The following CSNK1G1 variants were observed in gnomAD, a reference collection of about 807,000 sequenced individuals.
CSNK1G1 encodes casein kinase I isoform gamma-1.
Under a neutral mutation model 59.6 loss-of-function variants are expected in CSNK1G1, and 22 were observed. That is an observed-to-expected ratio of 0.37 (90% CI 0.26 to 0.53). The LOEUF is 0.53. Among genes scored for constraint, CSNK1G1 ranks in the 20% least tolerant of loss-of-function variants. The probability of loss-of-function intolerance (pLI) is 0.89; values close to 1 mark genes in which losing one functional copy is unlikely to be tolerated. For synonymous variants in CSNK1G1, 179 were observed against 177.1 expected, an observed-to-expected ratio of 1.01 and a Z score of -0.08; for missense variants, 384 against 519.5, an observed-to-expected ratio of 0.74 and a Z score of 2.54.
chr15:64,278,009 A>G (rs1481388569), intron 2 of CSNK1G1, among the ~76,000 whole-genome samples: 1 of 144,842 alleles, frequency 6.9e-6, no homozygotes, highest in Non-Finnish European at 1.5e-5. Context: ...ATATTGATAT[A>G]TTTGAATAAT....
At chr15:64,199,576 C>T (rs905626715) in intron 10 of CSNK1G1, among the ~76,000 whole-genome samples, 43 of 152,218 alleles carry the variant, frequency 2.8e-4, no homozygotes, top group African/African-American at 9.4e-4. Context: ...TAGTCTAGGA[C>T]GGGCGCGGTG....
At chr15:64,222,432 AC>A (rs1242354723) in intron 4 of CSNK1G1, among the ~76,000 whole-genome samples, 3 of 109,494 alleles carry the variant, frequency 2.7e-5, no homozygotes, top group South Asian at 3.4e-4. Flanking sequence ...CAACAACAAC[AC>A]CACCAAAAAA....
intron 1 of CSNK1G1, among the ~76,000 whole-genome samples, chr15:64,343,907 G>A (rs1005069226): frequency 2.0e-5 from 3 of 151,530 alleles, no homozygotes; most frequent in Admixed American, 6.6e-5. Flanking sequence ...ATTTTTTGGC[G>A]TATTATTTTG....
In CSNK1G1 at chr15:64,188,446, GC is replaced by G; in HGVS notation, c.1108-7993del. 6.5e-7 allele frequency: 1 copy of G among 1,536,146 alleles called. No individual in the cohort carries two copies. Among genetic ancestry groups the G allele is most frequent in the Non-Finnish European group, 8.7e-7 (1 of 1,146,920 alleles). ...TATGAGGTATTGGTCTGCCGGCTGGGCTGAATTTCCCACTCTCCTCGGCGCT... is the reference window on the plus strand; with the variant it reads ...TATGAGGTATTGGTCTGCCGGCTGGGTGAATTTCCCACTCTCCTCGGCGCT... On this transcript the variant is annotated intron_variant, in intron 10 of 11. Transcript: ENST00000303052. This position sits in a 1 kb window ranked among gnomAD's most constrained non-coding sequence, Gnocchi z 4.2.
At chr15:64,326,656 A>AG (rs1219732026) in intron 1 of CSNK1G1, among the ~76,000 whole-genome samples, 3 of 151,288 alleles carry the variant, frequency 2.0e-5, no homozygotes, top group African/African-American at 7.3e-5. Context: ...AAAAAAAAAA[A>AG]GTAGGGGGGA....
chr15:64,183,368 C>T (rs921296835), intron 10 of CSNK1G1, among the ~76,000 whole-genome samples: 1 of 152,186 alleles, frequency 6.6e-6, no homozygotes, highest in Non-Finnish European at 1.5e-5. Context: ...CCATTCTCTA[C>T]TTTTAAACTT....
intron 4 of CSNK1G1, among the ~76,000 whole-genome samples, chr15:64,232,092 C>T (rs1456605740): frequency 4.0e-5 from 6 of 151,838 alleles, no homozygotes; most frequent in Non-Finnish European, 8.8e-5. Context: ...GGCTTTAAGG[C>T]AATATGAAGT....
chr15:64,216,036 G>A lies in CSNK1G1; in HGVS notation c.444+526C>T, dbSNP rs111695065. Among the ~76,000 whole-genome samples, 586 of 152,146 alleles carry A rather than the reference G, an allele frequency of 3.9e-3. 7 individuals carry two copies. The highest frequency in any genetic ancestry group is 0.014 in the African/African-American group (561 of 41,520). On this transcript the variant is annotated intron_variant, in intron 5 of 11. Coordinates refer to ENST00000303052, the MANE Select transcript of CSNK1G1 (RefSeq NM_022048.5). The surrounding 1 kb of genome is among the most constrained non-coding windows in gnomAD (Gnocchi z 4.6). ...GCTTGAGACCAGTTTAGACAAGCCT[G>A]GGCAACATAGTGGGAGTCTGTCTCC...
chr15:64,307,966 G>T (rs1181119898), intron 1 of CSNK1G1, among the ~76,000 whole-genome samples: 1 of 152,040 alleles, frequency 6.6e-6, no homozygotes, highest in Non-Finnish European at 1.5e-5. Context: ...GATTACAGGC[G>T]TGAACCACCG....
At chr15:64,341,844 A>C (rs910226493) in intron 1 of CSNK1G1, among the ~76,000 whole-genome samples, 1 of 152,128 alleles carries the variant, frequency 6.6e-6, no homozygotes. Flanking sequence ...AATCTAAAAG[A>C]CCCTTTTTAA....
intron 1 of CSNK1G1, among the ~76,000 whole-genome samples, chr15:64,320,698 A>C (rs1375691652): frequency 6.6e-6 from 1 of 150,872 alleles, no homozygotes; most frequent in East Asian, 1.9e-4. Flanking sequence ...AAAAAAAAAG[A>C]AAAAAGAAAA....
intron 2 of CSNK1G1, among the ~76,000 whole-genome samples, chr15:64,272,993 T>C (rs1893406437): frequency 6.6e-6 from 1 of 152,236 alleles, no homozygotes; most frequent in Non-Finnish European, 1.5e-5. Flanking sequence ...CATGAGCCAC[T>C]GTGCCTGGCC....
chr15:64,333,194 T>C (rs942055246), intron 1 of CSNK1G1, among the ~76,000 whole-genome samples: 1 of 139,066 alleles, frequency 7.2e-6, no homozygotes, highest in African/African-American at 2.7e-5. Context: ...GAGGCCAAGG[T>C]TGCAGTCAGC....
intron 10 of CSNK1G1, among the ~76,000 whole-genome samples, chr15:64,194,530 T>C (rs1303597585): frequency 6.6e-6 from 1 of 150,492 alleles, no homozygotes; most frequent in Admixed American, 6.6e-5. Context: ...TTTTTTTTTT[T>C]TTTTGAGACA....
At chr15:64,244,574 C>T (rs184391292) in intron 4 of CSNK1G1, among the ~76,000 whole-genome samples, 35 of 152,152 alleles carry the variant, frequency 2.3e-4, no homozygotes, top group African/African-American at 8.2e-4. Context: ...ATAGCCAAAG[C>T]AATCCTGAGC....
rs532618104 is a variant in CSNK1G1 at position 64,266,759 on chromosome 15, G to A, written c.182-7518C>T. ...GACAAAGATGCCAAGAATATACACT[G>A]GGGAAAACAGTCTCTTCAATAAATG... On this transcript the variant is annotated intron_variant, in intron 2 of 11. Transcript: ENST00000303052. Among the ~76,000 whole-genome samples, 18 of 152,230 alleles carry A rather than the reference G, an allele frequency of 1.2e-4. No individual in the cohort carries two copies. The East Asian group carries it at 3.5e-3, about 29-fold the overall frequency.
chr15:64,179,168 C>T (rs2140207832), intron 11 of CSNK1G1, among the ~76,000 whole-genome samples: 1 of 141,150 alleles, frequency 7.1e-6, no homozygotes, highest in East Asian at 1.9e-4. Context: ...ATCACTTGAG[C>T]TTGGGGAATA....
intron 5 of CSNK1G1, among the ~76,000 whole-genome samples, chr15:64,215,008 C>G (rs1302718032): frequency 1.3e-5 from 2 of 150,398 alleles, no homozygotes; most frequent in African/African-American, 4.9e-5. Flanking sequence ...TCTATGTTGC[C>G]TACGCTGGTC....
intron 2 of CSNK1G1, among the ~76,000 whole-genome samples, chr15:64,286,581 C>A (rs1378880490): frequency 6.6e-6 from 1 of 151,970 alleles, no homozygotes; most frequent in Admixed American, 6.6e-5. Flanking sequence ...AAGTATGAAT[C>A]CCCAAATAAT....
Sources: allele counts gnomAD v4.1 joint callset (sites outside exome capture counted in the v4.1 genomes callset), GRCh38; gene constraint gnomAD v4.1.1; non-coding constraint Gnocchi (gnomAD v3.1); transcripts MANE v1.5; gene names NCBI Gene and HGNC (gene_info 2026-07-23, HGNC 2026-07-21).